The following DEFB116 variants were observed in gnomAD, a reference collection of about 807,000 sequenced individuals.
The protein encoded by DEFB116 is defensin beta 116.
A neutral mutation model predicts 2.8 loss-of-function variants in DEFB116; 5 were observed. The ratio of observed to expected loss-of-function variants is 1.80; its 90% CI spans 0.94 to 3.79. The LOEUF (loss-of-function observed/expected upper bound fraction) is 3.79. Among genes scored for constraint, DEFB116 ranks in the 30% most tolerant of loss-of-function variants. The probability of loss-of-function intolerance (pLI) is 0.00; values close to 1 mark genes in which losing one functional copy is unlikely to be tolerated. For synonymous variants in DEFB116, 56 were observed against 40.8 expected (o/e 1.37, Z -1.42); for missense variants, 170 against 118.0 (o/e 1.44, Z -2.04).
At chr20:31,306,788 T>C (rs1368066299) in intron 1 of DEFB116, among the ~76,000 whole-genome samples, 2 of 152,064 alleles carry the variant, frequency 1.3e-5, no homozygotes, top group Admixed American at 6.6e-5. Flanking sequence ...TGGTTTTCTA[T>C]AGGGTGGGCT....
chr20:31,306,144 C>G (rs188800300), intron 1 of DEFB116, among the ~76,000 whole-genome samples: 1 of 152,232 alleles, frequency 6.6e-6, no homozygotes, highest in African/African-American at 2.4e-5. Context: ...GCTGTGCAAC[C>G]AAACATGATC....
chr20:31,303,255 G>C lies in DEFB116; in HGVS notation c.266C>G (p.Ser89Cys), dbSNP rs372745148. 6.8e-5 allele frequency: 109 copies of C among 1,613,428 alleles called. No individual in the cohort carries two copies. The highest frequency in any genetic ancestry group is 8.3e-5 in the Admixed American group (5 of 59,966). The change falls in exon 2 of 2, where the codon TCC becomes TGC. Residue 89 changes from serine (S) to cysteine (C), a missense_variant. Physicochemically the swap from Ser to Cys is moderately radical, Grantham distance 112 (BLOSUM62 -1). Coordinates refer to ENST00000400549, the MANE Select transcript of DEFB116 (RefSeq NM_001037731.1). Reference sequence around the variant, plus strand: ...TGAACTGTTTGTAACTGACAAGTTGGAGTTAGAGTCGTAATCCTCCTTCAC... The same window carrying C: ...TGAACTGTTTGTAACTGACAAGTTGCAGTTAGAGTCGTAATCCTCCTTCAC... ...KNVKEDYDSN[S>C]NLSVTNSSSY...
intron 1 of DEFB116, among the ~76,000 whole-genome samples, chr20:31,304,262 C>A (rs1038813555): frequency 6.6e-6 from 1 of 152,078 alleles, no homozygotes; most frequent in Admixed American, 6.6e-5. Flanking sequence ...TGACAAAGTT[C>A]CTGACACTTA....
intron 1 of DEFB116, among the ~76,000 whole-genome samples, chr20:31,306,715 G>C (rs1410957980): frequency 6.6e-6 from 1 of 152,112 alleles, no homozygotes; most frequent in Non-Finnish European, 1.5e-5. Context: ...GAAAGAGGAA[G>C]AGGAGGAGAA....
chr20:31,308,551 G>A lies in DEFB116; in HGVS notation c.35C>T (p.Ala12Val). 3.1e-6 allele frequency: 5 copies of A among 1,613,582 alleles called. No homozygotes were observed. The highest frequency in any genetic ancestry group is 4.2e-6 in the Non-Finnish European group (5 of 1,179,564). Residue 12 changes from alanine to valine, a missense_variant, in exon 1 of 2, where the codon GCC becomes GTC. Physicochemically the swap from Ala to Val is moderately conservative, Grantham distance 64 (BLOSUM62 0). Transcript: ENST00000400549. ...SVMKPCLMTI[A>V]ILMILAQKTP... ...CTTTTGAGCCAGGATCATAAGGATG[G>A]CAATGGTCATTAAACAGGGCTTCAT...
At chr20:31,308,048 C>A (rs574534779) in intron 1 of DEFB116, among the ~76,000 whole-genome samples, 4 of 151,992 alleles carry the variant, frequency 2.6e-5, no homozygotes, top group Admixed American at 2.6e-4. Flanking sequence ...CTAGAATGCA[C>A]CAAAACATCT....
rs115569575 is a variant in DEFB116, at chr20:31,306,287, T to C, written c.67+2232A>G. Among the ~76,000 whole-genome samples, 971 of 152,272 alleles carry C rather than the reference T, an allele frequency of 6.4e-3. 5 individuals are homozygous for C. Among genetic ancestry groups the C allele is most frequent in the African/African-American group, 0.021 (893 of 41,566 alleles). On this transcript the variant is annotated intron_variant, in intron 1 of 1. Coordinates refer to ENST00000400549, the MANE Select transcript of DEFB116 (RefSeq NM_001037731.1). ...AACACACTCAGCTCAACATCAGAAA[T>C]GTGTAGATTTAAAAGACAAAGTCTT...
chr20:31,303,306 GAA>G lies in DEFB116; in HGVS notation c.213_214del (p.Ser72CysfsTer7), dbSNP rs1419532026. On this transcript the variant is annotated frameshift_variant, in exon 2 of 2. Coordinates refer to ENST00000400549, the MANE Select transcript of DEFB116 (RefSeq NM_001037731.1). LOFTEE classifies it low-confidence loss of function (END_TRUNC). ...ATTTTTAGAACTGGTTATTTTCACAGAAAGTTTCAGGCAGCACTTTTGATCAT... is the reference window on the plus strand; with the variant it reads ...ATTTTTAGAACTGGTTATTTTCACAGAGTTTCAGGCAGCACTTTTGATCAT... 6.2e-7 allele frequency: 1 copy of G among 1,613,486 alleles called. No individual in the cohort carries two copies. The highest frequency in any genetic ancestry group is 1.3e-5 in the African/African-American group (1 of 74,892).
chr20:31,303,649 T>C (rs1044465648), intron 1 of DEFB116, among the ~76,000 whole-genome samples, 196 bp from the exon 2 acceptor site: 5 of 152,136 alleles, frequency 3.3e-5, no homozygotes, highest in Admixed American at 1.3e-4. Context: ...CAGTCCTCCA[T>C]TGCATCATCT....
At chr20:31,305,284 G>A (rs1984969286) in intron 1 of DEFB116, among the ~76,000 whole-genome samples, 1 of 151,954 alleles carries the variant, frequency 6.6e-6, no homozygotes, top group Non-Finnish European at 1.5e-5. Flanking sequence ...TACTGTTCTG[G>A]CTAACACCTG....
chr20:31,307,140 C>A (rs1369924103), intron 1 of DEFB116, among the ~76,000 whole-genome samples: 1 of 152,058 alleles, frequency 6.6e-6, no homozygotes, highest in Non-Finnish European at 1.5e-5. Flanking sequence ...TGCCATAAAC[C>A]TATCCACGCC....
chr20:31,306,908 G>A (rs1195128354), intron 1 of DEFB116, among the ~76,000 whole-genome samples: 1 of 152,074 alleles, frequency 6.6e-6, no homozygotes, highest in South Asian at 2.1e-4. Context: ...CACATCTATT[G>A]TTCTTCAGTG....
intron 1 of DEFB116, among the ~76,000 whole-genome samples, chr20:31,304,365 T>C (rs1984946917): frequency 6.6e-6 from 1 of 152,076 alleles, no homozygotes; most frequent in African/African-American, 2.4e-5. Flanking sequence ...ATATTAACAA[T>C]CACTACCATG....
intron 1 of DEFB116, among the ~76,000 whole-genome samples, chr20:31,304,342 C>A (rs1038611277): frequency 1.3e-5 from 2 of 151,998 alleles, no homozygotes; most frequent in Admixed American, 1.3e-4. Flanking sequence ...GACAAAGGAG[C>A]AATTAGAAAG....
intron 1 of DEFB116, among the ~76,000 whole-genome samples, chr20:31,304,790 G>A (rs531902566): frequency 6.6e-6 from 1 of 152,086 alleles, no homozygotes; most frequent in South Asian, 2.1e-4. Flanking sequence ...TGGACTCAGT[G>A]CTAAATAGAT....
At chr20:31,305,673 C>T (rs956109499) in intron 1 of DEFB116, among the ~76,000 whole-genome samples, 4 of 151,772 alleles carry the variant, frequency 2.6e-5, no homozygotes, top group Admixed American at 2.6e-4. Context: ...AGTCTCTGGC[C>T]CTCTGCACCA....
At chr20:31,307,826 G>A (rs4270426) in intron 1 of DEFB116, among the ~76,000 whole-genome samples, 44,524 of 151,602 alleles carry the variant, frequency 0.29, 8,119 homozygotes, top group East Asian at 0.72. Context: ...ACCCACTTTA[G>A]GCAAACACTA....
intron 1 of DEFB116, among the ~76,000 whole-genome samples, chr20:31,306,910 TC>T (rs1260648304): frequency 1.3e-5 from 2 of 152,156 alleles, no homozygotes; most frequent in African/African-American, 4.8e-5. Flanking sequence ...CATCTATTGT[TC>T]TTCAGTGCCC....
chr20:31,303,594 G>T, intron 1 of DEFB116, 141 bp from the exon 2 acceptor site: 2 of 1,224,208 alleles, frequency 1.6e-6, no homozygotes, highest in Non-Finnish European at 2.2e-6. Context: ...TCTGGGCTCT[G>T]CCATTTACCA....
Sources: allele counts gnomAD v4.1 joint callset (sites outside exome capture counted in the v4.1 genomes callset), GRCh38; gene constraint gnomAD v4.1.1; transcripts MANE v1.5; gene names NCBI Gene and HGNC (gene_info 2026-07-23, HGNC 2026-07-21).